The following GRIA4 variants were observed in gnomAD, a reference collection of about 807,000 sequenced individuals.
GRIA4 encodes glutamate ionotropic receptor AMPA type subunit 4.
In GRIA4, 34 loss-of-function variants were observed where a neutral mutation model predicts 104.0. That is an observed-to-expected ratio of 0.33 (90% CI 0.25 to 0.44). The LOEUF (loss-of-function observed/expected upper bound fraction) is 0.44, where lower values mean the gene tolerates loss of function less well. Among genes scored for constraint, GRIA4 ranks in the 20% least tolerant of loss-of-function variants. The pLI is 1.00. For synonymous variants in GRIA4, 386 were observed against 381.9 expected (o/e 1.01, Z -0.13); for missense variants, 750 against 1,096.5 (o/e 0.68, Z 4.46).
intron 3 of GRIA4, among the ~76,000 whole-genome samples, chr11:105,712,661 G>A (rs761070367): frequency 2.0e-5 from 3 of 151,332 alleles, no homozygotes; most frequent in Non-Finnish European, 2.9e-5. Flanking sequence ...TAGTGAATCC[G>A]TTTCACATAG....
At chr11:105,703,672 T>C (rs1013883686) in intron 3 of GRIA4, among the ~76,000 whole-genome samples, 1 of 152,186 alleles carries the variant, frequency 6.6e-6, no homozygotes, top group South Asian at 2.1e-4. Context: ...TTTTAAGTTT[T>C]GTTAAAAATG....
intron 3 of GRIA4, among the ~76,000 whole-genome samples, chr11:105,698,830 T>C (rs1354343734): frequency 6.6e-6 from 1 of 152,222 alleles, no homozygotes; most frequent in Non-Finnish European, 1.5e-5. Context: ...GACAGGACTT[T>C]TCACTCTGCA....
chr11:105,797,789 G>T (rs563897949), intron 4 of GRIA4: 4 of 455,358 alleles, frequency 8.8e-6, no homozygotes, highest in African/African-American at 8.0e-5. Context: ...GTTCACTCTT[G>T]GCTTTATGTG....
At chr11:105,860,856 G>A (rs1453545966) in intron 4 of GRIA4, among the ~76,000 whole-genome samples, 1 of 151,680 alleles carries the variant, frequency 6.6e-6, no homozygotes, top group Non-Finnish European at 1.5e-5. Context: ...CTACTTGGGA[G>A]GCTGAGGCAG....
chr11:105,816,302 G>A (rs1943372799), intron 4 of GRIA4, among the ~76,000 whole-genome samples: 1 of 152,174 alleles, frequency 6.6e-6, no homozygotes, highest in African/African-American at 2.4e-5. Flanking sequence ...TCCCACTGTT[G>A]GAGGTAGGGC....
At chr11:105,831,188 A>C (rs1309824335) in intron 4 of GRIA4, among the ~76,000 whole-genome samples, 1 of 152,006 alleles carries the variant, frequency 6.6e-6, no homozygotes. Context: ...AGTTGGTATC[A>C]GCTCTCAGCT....
At chr11:105,970,372 A>G (rs963585868) in intron 14 of GRIA4, among the ~76,000 whole-genome samples, 1 of 152,206 alleles carries the variant, frequency 6.6e-6, no homozygotes, top group East Asian at 1.9e-4. Context: ...AATTAACTAG[A>G]AACATCATTT....
In GRIA4 at chr11:105,753,089, C is replaced by T; in HGVS notation, c.356C>T (p.Thr119Ile). The change falls in exon 4 of 17, where the codon ACA (threonine) becomes ATA (isoleucine). Residue 119 changes from threonine to isoleucine, a missense_variant. Physicochemically the swap from Thr to Ile is moderately conservative, Grantham distance 89 (BLOSUM62 -1). Coordinates refer to ENST00000282499, the MANE Select transcript of GRIA4 (RefSeq NM_000829.4). ...FCSALHISLI[T>I]PSFPTEGESQ... ...AGCGCCTTACATATCTCCCTCATCACACCAAGTTTCCCTACTGAGGGGGAG... is the reference window on the plus strand; with the variant it reads ...AGCGCCTTACATATCTCCCTCATCATACCAAGTTTCCCTACTGAGGGGGAG... 6.2e-7 allele frequency: 1 copy of T among 1,613,848 alleles called. No homozygotes were observed. The highest frequency in any genetic ancestry group is 8.5e-7 in the Non-Finnish European group (1 of 1,179,862).
intron 3 of GRIA4, among the ~76,000 whole-genome samples, chr11:105,706,057 A>C (rs1416576714): frequency 2.0e-5 from 3 of 152,232 alleles, no homozygotes; most frequent in Non-Finnish European, 4.4e-5. Context: ...GTACTAAGAA[A>C]CTAGAACAGA....
At chr11:105,947,342 C>T (rs747458849) in intron 14 of GRIA4, among the ~76,000 whole-genome samples, 7 of 152,244 alleles carry the variant, frequency 4.6e-5, no homozygotes, top group South Asian at 2.1e-4. Context: ...GCCAGGCATA[C>T]GGACTCTCCA....
intron 3 of GRIA4, among the ~76,000 whole-genome samples, chr11:105,655,273 G>T (rs1951808458): frequency 1.3e-5 from 2 of 152,078 alleles, no homozygotes; most frequent in African/African-American, 2.4e-5. Context: ...ATCACTTGAG[G>T]AAAATAACTG....
intron 10 of GRIA4, among the ~76,000 whole-genome samples, chr11:105,914,309 A>G (rs1947338808): frequency 6.6e-6 from 1 of 151,964 alleles, no homozygotes; most frequent in Admixed American, 6.6e-5. Context: ...ACATCCATTA[A>G]GATTTTTTGG....
rs990184263 is a variant in GRIA4, at chr11:105,611,076, G to A, written c.79G>A (p.Val27Met). 1.2e-6 allele frequency: 2 copies of A among 1,611,146 alleles called. No individual in the cohort carries two copies. Among genetic ancestry groups the A allele is most frequent in the Non-Finnish European group, 1.7e-6 (2 of 1,177,502 alleles). The change falls in exon 2 of 17, where the codon GTG (valine) becomes ATG (methionine). Residue 27 changes from valine (V) to methionine (M), a missense_variant. Transcript: ENST00000282499. ...GLAMGAFPSS[V>M]QIGGLFIRNT... ...CGCCATGGGAGCCTTTCCGAGCAGCGTGCAAATAGGTAAGGTGTGCTCCGA... is the reference window on the plus strand; with the variant it reads ...CGCCATGGGAGCCTTTCCGAGCAGCATGCAAATAGGTAAGGTGTGCTCCGA...
At chr11:105,681,800 G>T (rs1952717948) in intron 3 of GRIA4, among the ~76,000 whole-genome samples, 1 of 152,146 alleles carries the variant, frequency 6.6e-6, no homozygotes, top group Non-Finnish European at 1.5e-5. Context: ...CCCAAACTTT[G>T]GGAAGCTGAA....
At chr11:105,653,653 C>G (rs1190415420) in intron 3 of GRIA4, among the ~76,000 whole-genome samples, 2 of 151,990 alleles carry the variant, frequency 1.3e-5, no homozygotes, top group Admixed American at 1.3e-4. Context: ...TTAGGGTGAA[C>G]GTGAGCGAGT....
At chr11:105,743,221 C>A (rs1168027553) in intron 3 of GRIA4, among the ~76,000 whole-genome samples, 1 of 152,126 alleles carries the variant, frequency 6.6e-6, no homozygotes, top group Non-Finnish European at 1.5e-5. Flanking sequence ...AGGCATTTCT[C>A]TATTTCAGGG....
chr11:105,812,750 T>C (rs1943225411), intron 4 of GRIA4, among the ~76,000 whole-genome samples: 1 of 152,096 alleles, frequency 6.6e-6, no homozygotes, highest in South Asian at 2.1e-4. Flanking sequence ...TAAATAGAGA[T>C]ATTTTTATAG....
At chr11:105,794,602 A>G (rs2135816485) in intron 4 of GRIA4, among the ~76,000 whole-genome samples, 1 of 144,762 alleles carries the variant, frequency 6.9e-6, no homozygotes, top group South Asian at 2.2e-4. Flanking sequence ...TAAGATATAT[A>G]CATATATATA....
intron 4 of GRIA4, among the ~76,000 whole-genome samples, chr11:105,782,357 A>G (rs1424173265): frequency 6.6e-6 from 1 of 152,236 alleles, no homozygotes; most frequent in East Asian, 1.9e-4. Flanking sequence ...TCATACTAAG[A>G]AATCCTCAGC....
Sources: allele counts gnomAD v4.1 joint callset (sites outside exome capture counted in the v4.1 genomes callset), GRCh38; gene constraint gnomAD v4.1.1; transcripts MANE v1.5; gene names NCBI Gene and HGNC (gene_info 2026-07-23, HGNC 2026-07-21).